The following FBXO47 variants were observed in gnomAD, a reference collection of about 807,000 sequenced individuals.
The protein encoded by FBXO47 is F-box protein 47, also known as F-box only protein 47.
A neutral mutation model predicts 53.9 loss-of-function variants in FBXO47; 34 were observed. That is an observed-to-expected ratio of 0.63 (90% CI 0.48 to 0.84). The LOEUF (loss-of-function observed/expected upper bound fraction) is 0.84. Ranked by LOEUF, FBXO47 falls within the 40% of genes least tolerant of loss-of-function variation. The pLI is 0.00. For missense variants in FBXO47, 485 were observed against 541.3 expected (o/e 0.90, Z 1.03); for synonymous variants, 165 against 181.6 (o/e 0.91, Z 0.73).
intron 1 of FBXO47, among the ~76,000 whole-genome samples, chr17:38,964,247 G>C (rs1284433157): frequency 7.9e-5 from 12 of 151,904 alleles, no homozygotes. Context: ...AACACCTGGG[G>C]TCAGGAGTTT....
At chr17:38,944,527 C>T (rs1319261243) in intron 7 of FBXO47, among the ~76,000 whole-genome samples, 1 of 151,418 alleles carries the variant, frequency 6.6e-6, no homozygotes, top group Non-Finnish European at 1.5e-5. Context: ...ACGGTGAAAC[C>T]CCATCTCTAC....
intron 7 of FBXO47, among the ~76,000 whole-genome samples, chr17:38,944,346 T>A (rs1455208048): frequency 1.3e-5 from 2 of 151,438 alleles, no homozygotes; most frequent in East Asian, 3.9e-4. Flanking sequence ...GGTACCAAAG[T>A]GGGACCCTGC....
intron 7 of FBXO47, 125 bp downstream of exon 7, chr17:38,944,835 T>G: frequency 2.8e-6 from 2 of 724,194 alleles, no homozygotes; most frequent in Non-Finnish European, 4.4e-6. Flanking sequence ...CGCACCACTG[T>G]GTGCGTGCAT....
intron 10 of FBXO47, among the ~76,000 whole-genome samples, chr17:38,937,895 C>T (rs1915621200): frequency 6.6e-6 from 1 of 152,052 alleles, no homozygotes; most frequent in South Asian, 2.1e-4. Flanking sequence ...GTCTCGACCT[C>T]CTGACCTTGT....
At position 38,946,277 on chromosome 17, in the gene FBXO47, AATAT is replaced by A. The variant is rs1221562966; in HGVS notation, c.617-1145_617-1142del. 4.7e-5 allele frequency among the ~76,000 whole-genome samples: 4 copies of A among 85,624 alleles called. No individual in the cohort carries two copies. In the Admixed American group the frequency reaches 5.2e-4, roughly 11 times the overall value. The allele number at this position is 85,624 out of a possible 152,430, so 56.2% of individuals were successfully genotyped here. A position where few individuals can be genotyped will look rare whatever the true frequency, so the allele number is the denominator to read the frequency against. On this transcript the variant is annotated intron_variant, in intron 6 of 10. Transcript: ENST00000378079. ...AAAAATATGTATAAATATATATAAA[AATAT>A]ATATAAATATATAAAAATATATATA...
At chr17:38,941,620 T>TTATATATATATA (rs3040090) in intron 9 of FBXO47, among the ~76,000 whole-genome samples, 3,355 of 114,896 alleles carry the variant, frequency 0.029, 103 homozygotes, top group Admixed American at 0.089. Flanking sequence ...AAATATAATA[T>TTATATATATATA]TATATATATA....
At chr17:38,951,549 C>A in intron 6 of FBXO47, 32 bp downstream of exon 6, 1 of 1,449,252 alleles carries the variant, frequency 6.9e-7, no homozygotes, top group South Asian at 1.2e-5. Context: ...ATTTTAATCT[C>A]TGTATATTAT....
At chr17:38,962,157 ATCATCATCCC>A in intron 2 of FBXO47, 110 bp from the exon 3 acceptor site, 1 of 855,754 alleles carries the variant, frequency 1.2e-6, no homozygotes, top group Non-Finnish European at 1.8e-6. Context: ...CATTATCACC[ATCATCATCCC>A]TTTGGGAAAA....
In FBXO47 at chr17:38,953,125, CCACACACACA is replaced by C. The variant is rs768926649; in HGVS notation, c.508-1446_508-1437del. Among the ~76,000 whole-genome samples, 391 of 117,872 alleles carry C rather than the reference CCACACACACA, an allele frequency of 3.3e-3. 3 individuals carry two copies. The highest frequency in any genetic ancestry group is 0.012 in the African/African-American group (367 of 29,798). The allele number at this position is 117,872 out of a possible 152,430, so 77.3% of individuals were successfully genotyped here. On this transcript the variant is annotated intron_variant, in intron 5 of 10. Coordinates refer to ENST00000378079, the MANE Select transcript of FBXO47 (RefSeq NM_001008777.3). ...AACCCTGTCTCTACTAAAAAAAAAA[CCACACACACA>C]CACACACACACACACACACACACAC...
In FBXO47 at chr17:38,942,853, A is replaced by G; in HGVS notation, c.1008T>C (p.Cys336=). The change falls in exon 9 of 11, where the codon TGT becomes TGC. Residue 336 remains cysteine (C), a synonymous_variant. Transcript: ENST00000378079. ...CAGCTTTACTAGCCATGAAACTGAA[A>G]CAGATGTTGTTTCCACTTAGCATTA... ...RLLMLSGNNI[C]FSFMASKAVN... 1 of 1,613,916 alleles carries G rather than the reference A, an allele frequency of 6.2e-7. No individual in the cohort carries two copies. Among genetic ancestry groups the G allele is most frequent in the South Asian group, 1.1e-5 (1 of 91,066 alleles).
Position 38,961,867 on chromosome 17 carries a change from C to A in FBXO47, c.352+10G>T, listed in dbSNP as rs751302290. 21 of 1,605,316 alleles carry A rather than the reference C, an allele frequency of 1.3e-5. No homozygotes were observed. The highest frequency in any genetic ancestry group is 1.8e-5 in the Non-Finnish European group (21 of 1,177,340). ...TCTTTACTTGTTGCAATTCTCATTA[C>A]ATAAGTTACCTAGAGATCTGTAGTG... On this transcript the variant is annotated intron_variant, in intron 3 of 10. Coordinates refer to ENST00000378079, the MANE Select transcript of FBXO47 (RefSeq NM_001008777.3).
At chr17:38,939,707 C>A (rs914464740) in intron 9 of FBXO47, among the ~76,000 whole-genome samples, 1 of 127,962 alleles carries the variant, frequency 7.8e-6, no homozygotes, top group Non-Finnish European at 1.6e-5. Context: ...GTCGCCCAGG[C>A]CGGACTGCGG....
intron 1 of FBXO47, among the ~76,000 whole-genome samples, chr17:38,965,195 T>A (rs1906042349): frequency 6.6e-6 from 1 of 152,214 alleles, no homozygotes. Flanking sequence ...ACAGCGACTT[T>A]GTGTCACTCT....
In FBXO47 at chr17:38,951,507, A is replaced by G. The variant is rs943046270; in HGVS notation, c.616+74T>C. 1.6e-5 allele frequency: 20 copies of G among 1,213,102 alleles called. No individual in the cohort carries two copies. The Admixed American group carries it at 4.4e-4, about 27-fold the overall frequency. 75.1% of individuals were successfully genotyped at this position (1,213,102 alleles called of 1,614,324 possible). On this transcript the variant is annotated intron_variant, in intron 6 of 10. Coordinates refer to ENST00000378079, the MANE Select transcript of FBXO47 (RefSeq NM_001008777.3). ...CTACACCTGGCCCAAATTACTTTTA[A>G]TTACATTTTTAAAACTCTGTTTATT...
chr17:38,944,557 C>A (rs906432606), intron 7 of FBXO47, among the ~76,000 whole-genome samples: 1 of 151,732 alleles, frequency 6.6e-6, no homozygotes, highest in East Asian at 1.9e-4. Flanking sequence ...AAAAAATTAG[C>A]CAGGCATGGT....
At chr17:38,954,273 G>A (rs1389572297) in intron 5 of FBXO47, among the ~76,000 whole-genome samples, 1 of 151,946 alleles carries the variant, frequency 6.6e-6, no homozygotes, top group East Asian at 1.9e-4. Flanking sequence ...ACTCCAGCCT[G>A]GGTGACAGAG....
At chr17:38,963,239 G>A (rs1014038834) in intron 1 of FBXO47, among the ~76,000 whole-genome samples, 188 bp from the exon 2 acceptor site, 10 of 151,500 alleles carry the variant, frequency 6.6e-5, no homozygotes, top group Non-Finnish European at 5.9e-5. Context: ...GTGCAATGGC[G>A]TAATCTCGGC....
intron 6 of FBXO47, among the ~76,000 whole-genome samples, chr17:38,946,414 ATATATAAC>A (rs1283315254): frequency 5.5e-4 from 52 of 94,652 alleles, no homozygotes; most frequent in Admixed American, 3.6e-3. Context: ...ATATAGATAT[ATATATAAC>A]TATATAAATA....
chr17:38,962,627 AAT>A (rs1249235489), intron 2 of FBXO47, among the ~76,000 whole-genome samples: 4 of 148,210 alleles, frequency 2.7e-5, no homozygotes, highest in Non-Finnish European at 5.9e-5. Context: ...TAATAATAAT[AAT>A]AATAATAATA....
Sources: gnomAD v4.1 joint callset for allele counts (sites outside exome capture counted in the v4.1 genomes callset) on GRCh38, gnomAD v4.1.1 for gene constraint, MANE v1.5 for transcripts, NCBI Gene and HGNC (gene_info 2026-07-23, HGNC 2026-07-21) for gene names.